Variants in FRMD4B observed in about 807,000 individuals in gnomAD.
FRMD4B encodes FERM domain containing 4B.
A neutral mutation model predicts 141.5 loss-of-function variants in FRMD4B; 74 were observed. That is an observed-to-expected ratio of 0.52 (90% confidence interval 0.43 to 0.63). The LOEUF is 0.63. FRMD4B is among the 30% of genes least tolerant of loss of function. FRMD4B has a pLI of 0.00. For missense variants in FRMD4B, 1,366 were observed against 1,253.4 expected (o/e 1.09, Z -1.36); for synonymous variants, 506 against 467.9 (o/e 1.08, Z -1.05).
intron 9 of FRMD4B, among the ~76,000 whole-genome samples, chr3:69,220,884 G>A (rs1424001312): frequency 6.6e-6 from 1 of 152,098 alleles, no homozygotes; most frequent in Non-Finnish European, 1.5e-5. Flanking sequence ...AGAAGTAGGA[G>A]TGTGAGGAAA....
chr3:69,472,163 C>T, intron 1 of FRMD4B: 1 of 245,252 alleles, frequency 4.1e-6, no homozygotes, highest in Non-Finnish European at 8.8e-6. Flanking sequence ...TCTAGAGTAA[C>T]TTCACTTCCA....
Position 69,181,149 on chromosome 3 carries a change from A to T in FRMD4B, c.2601T>A (p.His867Gln), listed in dbSNP as rs2092702908. The change falls in exon 21 of 23, where the codon CAT becomes CAA. Residue 867 changes from histidine to glutamine, a missense_variant. Physicochemically the swap from His to Gln is conservative, Grantham distance 24. Transcript: ENST00000398540. The stretch of plus-strand genomic sequence containing the variant: ...GCAGCCGGAGAGTTGCATATGGGTT[A>T]TGGGGTACCCGGTCGACCTCATCTT... ...FHEDEVDRVP[H>Q]NPYATLRLPR... is the part of the protein sequence containing the mutation. 1 of 1,613,836 alleles carries T rather than the reference A, an allele frequency of 6.2e-7. No homozygotes were observed. Among genetic ancestry groups the T allele is most frequent in the African/African-American group, 1.3e-5 (1 of 74,908 alleles).
intron 5 of FRMD4B, among the ~76,000 whole-genome samples, chr3:69,262,779 T>C (rs1318472506): frequency 6.6e-6 from 1 of 151,906 alleles, no homozygotes; most frequent in African/African-American, 2.4e-5. Flanking sequence ...GTAAATGAAG[T>C]ATATTCATAC....
At chr3:69,292,981 C>T in intron 4 of FRMD4B, 1 of 452,264 alleles carries the variant, frequency 2.2e-6, no homozygotes, top group Non-Finnish European at 4.4e-6. Flanking sequence ...ACCTCGGCTT[C>T]ACAAGTGTAA....
chr3:69,425,057 T>C (rs915521202), intron 2 of FRMD4B, among the ~76,000 whole-genome samples: 3 of 152,204 alleles, frequency 2.0e-5, no homozygotes, highest in Admixed American at 6.5e-5. Context: ...AATAGGAAGG[T>C]AGGTGATGTG....
rs1272264900 is a variant in FRMD4B at position 69,253,181 on chromosome 3, CTAT to C, written c.502-3085_502-3083del. Among the ~76,000 whole-genome samples, 7 of 121,966 alleles carry C rather than the reference CTAT, an allele frequency of 5.7e-5. 1 individual carries two copies. Among genetic ancestry groups the C allele is most frequent in the East Asian group, 5.3e-4 (2 of 3,788 alleles). 80.0% of individuals were successfully genotyped at this position (121,966 alleles called of 152,430 possible). A position where few individuals can be genotyped will look rare whatever the true frequency, so the allele number is the denominator to read the frequency against. On this transcript the variant is annotated intron_variant, in intron 5 of 22. Coordinates refer to ENST00000398540, the MANE Select transcript of FRMD4B (RefSeq NM_015123.3). The stretch of plus-strand genomic sequence containing the variant: ...AGGGAAATTAGTGAAAATATGATTC[CTAT>C]TTTTTTTTTTTTTTTTTTTTGCAGA...
At chr3:69,500,485 C>T (rs1421669565) in intron 1 of FRMD4B, among the ~76,000 whole-genome samples, 3 of 152,018 alleles carry the variant, frequency 2.0e-5, no homozygotes, top group African/African-American at 7.2e-5. Context: ...AGTCAGGATG[C>T]TGGCTGATGG....
chr3:69,349,810 C>T (rs1363313143), intron 1 of FRMD4B, among the ~76,000 whole-genome samples: 1 of 152,092 alleles, frequency 6.6e-6, no homozygotes, highest in Admixed American at 6.6e-5. Context: ...TTACACCTTA[C>T]ACAAAAATTA....
intron 1 of FRMD4B, among the ~76,000 whole-genome samples, chr3:69,457,939 C>T (rs1311531995): frequency 1.3e-5 from 2 of 152,138 alleles, no homozygotes; most frequent in Admixed American, 6.5e-5. Flanking sequence ...ATAAATACCC[C>T]AGCCTCTGGG....
chr3:69,518,266 A>T (rs1030062986), intron 1 of FRMD4B, among the ~76,000 whole-genome samples: 2 of 152,092 alleles, frequency 1.3e-5, no homozygotes, highest in Non-Finnish European at 2.9e-5. Flanking sequence ...ATGATCTTAA[A>T]TTTTTTAAAA....
chr3:69,337,802 A>G, intron 1 of FRMD4B, among the ~76,000 whole-genome samples: 1 of 152,202 alleles, frequency 6.6e-6, no homozygotes, highest in Non-Finnish European at 1.5e-5. Flanking sequence ...AAAAGTCAGG[A>G]AACAACAGGT....
chr3:69,188,190 G>A (rs921395677), intron 18 of FRMD4B, among the ~76,000 whole-genome samples: 1 of 152,156 alleles, frequency 6.6e-6, no homozygotes, highest in Non-Finnish European at 1.5e-5. Flanking sequence ...ATCACTCAAG[G>A]GGAATGGGTA....
intron 1 of FRMD4B, among the ~76,000 whole-genome samples, chr3:69,472,962 G>A (rs9848468): frequency 0.05 from 6,314 of 127,182 alleles, 553 homozygotes; most frequent in African/African-American, 0.18. Flanking sequence ...TTGGCTTAGG[G>A]GGTGGAATCT....
At chr3:69,353,666 T>C in intron 1 of FRMD4B, 1 of 984,552 alleles carries the variant, frequency 1.0e-6, no homozygotes, top group Non-Finnish European at 1.2e-6. Context: ...TGTGCGCGCA[T>C]GTGCTTGCAT....
At chr3:69,453,977 C>T (rs1016950590) in intron 1 of FRMD4B, among the ~76,000 whole-genome samples, 1 of 152,164 alleles carries the variant, frequency 6.6e-6, no homozygotes, top group South Asian at 2.1e-4. Context: ...CGCACTGGGA[C>T]CCAAGCTGGA....
intron 3 of FRMD4B, among the ~76,000 whole-genome samples, chr3:69,304,539 TC>T (rs1391871937): frequency 6.6e-6 from 1 of 151,262 alleles, no homozygotes; most frequent in Non-Finnish European, 1.5e-5. Flanking sequence ...GAGTGCCACT[TC>T]TGTATATATA....
At position 69,174,575 on chromosome 3, in the gene FRMD4B, A is replaced by G. The variant is rs74714156; in HGVS notation, c.2984+1949T>C. ...TATATGCACACGCATACACAAACAC[A>G]CAATAGGGATCTTTAAATAGCTTCT... On this transcript the variant is annotated intron_variant, in intron 22 of 22. Transcript: ENST00000398540. Among the ~76,000 whole-genome samples, 711 of 152,274 alleles carry G rather than the reference A, an allele frequency of 4.7e-3. 4 individuals are homozygous for G. Among genetic ancestry groups the G allele is most frequent in the Middle Eastern group, 6.8e-3 (2 of 294 alleles).
At chr3:69,444,125 C>T (rs1005025469) in intron 1 of FRMD4B, among the ~76,000 whole-genome samples, 2 of 152,152 alleles carry the variant, frequency 1.3e-5, no homozygotes, top group African/African-American at 4.8e-5. Flanking sequence ...TCAGCATTCC[C>T]CATTCCCTAG....
chr3:69,352,271 G>T (rs1394574134), intron 1 of FRMD4B, among the ~76,000 whole-genome samples: 2 of 152,156 alleles, frequency 1.3e-5, no homozygotes, highest in East Asian at 3.9e-4. Context: ...CCAGGTCACA[G>T]GACTGCATTT....
Sources: gnomAD v4.1 joint callset for allele counts (sites outside exome capture counted in the v4.1 genomes callset) on GRCh38, gnomAD v4.1.1 for gene constraint, MANE v1.5 for transcripts, NCBI Gene and HGNC (gene_info 2026-07-23, HGNC 2026-07-21) for gene names.